The following FBXO16 variants were observed in gnomAD, a reference collection of about 807,000 sequenced individuals.
FBXO16 encodes the protein F-box protein 16, also known as F-box only protein 16.
FBXO16 carries 31 observed loss-of-function variants against 41.0 expected under a neutral mutation model. That is an observed-to-expected ratio of 0.76 (90% CI 0.57 to 1.02). The LOEUF (loss-of-function observed/expected upper bound fraction) is 1.02. FBXO16 is among the 50% of genes least tolerant of loss of function. FBXO16 has a pLI of 0.00. For missense variants in FBXO16, 361 were observed against 346.2 expected, an observed-to-expected ratio of 1.04 and a Z score of -0.34; for synonymous variants, 133 against 117.8, an observed-to-expected ratio of 1.13 and a Z score of -0.84.
chr8:28,464,457 C>G (rs770072616), intron 3 of FBXO16, among the ~76,000 whole-genome samples: 1 of 152,114 alleles, frequency 6.6e-6, no homozygotes, highest in Non-Finnish European at 1.5e-5. Flanking sequence ...AGGGAATGAC[C>G]AAGGATGAGC....
chr8:28,470,882 C>T (rs1200872591), intron 3 of FBXO16, among the ~76,000 whole-genome samples: 2 of 152,124 alleles, frequency 1.3e-5, no homozygotes, highest in Non-Finnish European at 2.9e-5. Flanking sequence ...CCTTGTTTCT[C>T]TTTTGAATTC....
chr8:28,441,230 T>G (rs1802767957), intron 7 of FBXO16, among the ~76,000 whole-genome samples: 1 of 152,062 alleles, frequency 6.6e-6, no homozygotes, highest in South Asian at 2.1e-4. Context: ...CCCTACTCCC[T>G]CTCCTCCTCC....
intron 3 of FBXO16, among the ~76,000 whole-genome samples, chr8:28,470,905 T>C (rs111541374): frequency 5.9e-5 from 9 of 152,348 alleles, no homozygotes; most frequent in African/African-American, 2.2e-4. Flanking sequence ...ACTCTGATTA[T>C]GGTGGTTTCC....
chr8:28,439,790 T>C (rs1283124880), intron 7 of FBXO16, among the ~76,000 whole-genome samples: 1 of 151,810 alleles, frequency 6.6e-6, no homozygotes, highest in Non-Finnish European at 1.5e-5. Flanking sequence ...CCCCAACACC[T>C]GAGAAGTGCA....
intron 7 of FBXO16, among the ~76,000 whole-genome samples, chr8:28,437,895 A>G (rs1224171879): frequency 2.0e-5 from 3 of 152,120 alleles, no homozygotes; most frequent in Non-Finnish European, 4.4e-5. Context: ...AAGAAAAAAC[A>G]AGAAACACCA....
At chr8:28,469,957 C>A (rs550583431) in intron 3 of FBXO16, among the ~76,000 whole-genome samples, 1 of 149,544 alleles carries the variant, frequency 6.7e-6, no homozygotes, top group South Asian at 2.1e-4. Context: ...GTAAACCCAG[C>A]ACTTTGGGAG....
intron 6 of FBXO16, among the ~76,000 whole-genome samples, chr8:28,448,707 T>G (rs181131295): frequency 1.3e-5 from 2 of 152,322 alleles, no homozygotes; most frequent in South Asian, 4.1e-4. Context: ...CTTGCTTTAA[T>G]GTTAGCATTT....
intron 7 of FBXO16, among the ~76,000 whole-genome samples, chr8:28,444,775 C>T (rs1455126575): frequency 2.6e-5 from 3 of 114,034 alleles, no homozygotes; most frequent in East Asian, 2.3e-4. Flanking sequence ...CCACCGCGCC[C>T]GGACTTTTTT....
intron 6 of FBXO16, 148 bp from the exon 7 acceptor site, chr8:28,447,421 T>G: frequency 1.6e-6 from 1 of 635,794 alleles, no homozygotes; most frequent in South Asian, 1.9e-5. Context: ...TGTCTATCAA[T>G]AGAGAACTGG....
At chr8:28,473,322 C>T (rs17059139) in intron 3 of FBXO16, among the ~76,000 whole-genome samples, 7,940 of 152,172 alleles carry the variant, frequency 0.052, 708 homozygotes, top group African/African-American at 0.18. Context: ...ATTCTCTGGC[C>T]TCTGTGATAA....
At chr8:28,486,374 G>A (rs1803602435) in intron 1 of FBXO16, among the ~76,000 whole-genome samples, 1 of 151,636 alleles carries the variant, frequency 6.6e-6, no homozygotes, top group South Asian at 2.1e-4. Flanking sequence ...ACAGGTATGA[G>A]CCACCAGGCC....
chr8:28,461,831 C>T (rs1803139096), intron 4 of FBXO16, among the ~76,000 whole-genome samples: 1 of 152,122 alleles, frequency 6.6e-6, no homozygotes, highest in Non-Finnish European at 1.5e-5. Context: ...GGCTTCCTTT[C>T]CTGTTTTCTT....
intron 7 of FBXO16, among the ~76,000 whole-genome samples, chr8:28,433,074 CAAACAAA>C (rs1802634421): frequency 7.7e-6 from 1 of 130,388 alleles, no homozygotes; most frequent in Non-Finnish European, 1.5e-5. Context: ...AAAAAAAAAA[CAAACAAA>C]AAACAAACAA....
intron 3 of FBXO16, among the ~76,000 whole-genome samples, chr8:28,464,160 C>G (rs116124157): frequency 2.6e-5 from 4 of 152,294 alleles, no homozygotes; most frequent in East Asian, 3.9e-4. Flanking sequence ...GCTCCTCCCC[C>G]CAAATAGTTT....
In FBXO16 at chr8:28,452,349, C is replaced by T. The variant is rs1802968151; in HGVS notation, c.635G>A (p.Gly212Glu). 6.2e-7 allele frequency: 1 copy of T among 1,614,158 alleles called. No homozygotes were observed. Among genetic ancestry groups the T allele is most frequent in the East Asian group, 2.2e-5 (1 of 44,886 alleles). ...TCGCCAGGGTGGAAGTGCTTTCTCCCCTGAGTTATTCTTCTTTCTTAAAGA... is the reference window on the plus strand; with the variant it reads ...TCGCCAGGGTGGAAGTGCTTTCTCCTCTGAGTTATTCTTCTTTCTTAAAGA... ...SSSLRKKNNS[G>E]EKALPPWRSS... Residue 212 changes from glycine (G) to glutamate (E), a missense_variant, in exon 6 of 9, where the codon GGG becomes GAG. Transcript: ENST00000380254.
intron 2 of FBXO16, among the ~76,000 whole-genome samples, chr8:28,479,635 C>G (rs1439593125): frequency 6.6e-6 from 1 of 152,200 alleles, no homozygotes; most frequent in Non-Finnish European, 1.5e-5. Flanking sequence ...AGCAGATAAA[C>G]TGTTATATAA....
At chr8:28,477,721 A>T (rs559631729) in intron 2 of FBXO16, among the ~76,000 whole-genome samples, 1 of 152,346 alleles carries the variant, frequency 6.6e-6, no homozygotes, top group African/African-American at 2.4e-5. Context: ...ACTCTTTGGG[A>T]AAAACCAGTA....
Position 28,480,955 on chromosome 8 carries a change from G to A in FBXO16, c.99+2393C>T, listed in dbSNP as rs370229869. On this transcript the variant is annotated intron_variant, in intron 2 of 8. Transcript: ENST00000380254. ...AAGAAAAGGAAGCAGGACACGGGGA[G>A]GCTTCACAGAGGAAAGGACATTTGA... Among the ~76,000 whole-genome samples the A allele has an allele frequency of 1.5e-4, 23 of 152,220 alleles. 1 individual carries two copies. Among genetic ancestry groups the A allele is most frequent in the East Asian group, 9.6e-4 (5 of 5,192 alleles).
chr8:28,452,362 T>C lies in FBXO16; in HGVS notation c.622A>G (p.Lys208Glu), dbSNP rs1298201282. ...AGTGCTTTCTCCCCTGAGTTATTCT[T>C]CTTTCTTAAAGAGGAAGAGGACCGA... is the stretch of plus-strand genomic sequence containing the variant. ...AFRSSSSLRK[K>E]NNSGEKALPP... Residue 208 changes from lysine (K) to glutamate (E), a missense_variant, in exon 6 of 9, where the codon AAG becomes GAG. Transcript: ENST00000380254. 15 of 1,614,234 alleles carry C rather than the reference T, an allele frequency of 9.3e-6. No homozygotes were observed. Among genetic ancestry groups the C allele is most frequent in the African/African-American group, 1.3e-5 (1 of 75,048 alleles).
Sources: gnomAD v4.1 joint callset for allele counts (sites outside exome capture counted in the v4.1 genomes callset) on GRCh38, gnomAD v4.1.1 for gene constraint, MANE v1.5 for transcripts, NCBI Gene and HGNC (gene_info 2026-07-23, HGNC 2026-07-21) for gene names.